NUSAP1: variants seen among roughly 807,000 people sequenced by gnomAD.
NUSAP1 encodes the protein nucleolar and spindle associated protein 1.
In NUSAP1, 32 loss-of-function variants were observed where a neutral mutation model predicts 52.8. The ratio of observed to expected loss-of-function variants is 0.61; its 90% CI spans 0.46 to 0.81. The LOEUF is 0.81. NUSAP1 is among the 40% of genes least tolerant of loss of function. The pLI is 0.00. For synonymous variants in NUSAP1, 195 were observed against 183.1 expected, an observed-to-expected ratio of 1.06 and a Z score of -0.52; for missense variants, 499 against 522.3, an observed-to-expected ratio of 0.96 and a Z score of 0.43.
intron 3 of NUSAP1, among the ~76,000 whole-genome samples, chr15:41,349,955 C>G (rs947631158): frequency 6.6e-6 from 1 of 151,798 alleles, no homozygotes. Context: ...TTAGTAGAGA[C>G]GAGATTTCAC....
intron 6 of NUSAP1, among the ~76,000 whole-genome samples, chr15:41,364,061 G>C (rs1323875269): frequency 6.6e-6 from 1 of 151,998 alleles, no homozygotes; most frequent in East Asian, 1.9e-4. Flanking sequence ...TGAACTCCTG[G>C]GCTTAAGCGA....
At position 41,365,409 on chromosome 15, in the gene NUSAP1, C is replaced by A. The variant is rs190224692; in HGVS notation, c.668C>A (p.Pro223His). ...GATGCATTTTCTCTTCAGCAGCAGC[C>A]CATCAATAAGGGAGGGGTCAGGACT... is the stretch of plus-strand genomic sequence containing the variant. The part of the protein sequence containing the change: ...HNSMNELKQQ[P>H]INKGGVRTPV... The change falls in exon 7 of 11, where the codon CCC (proline) becomes CAC (histidine). Residue 223 changes from proline to histidine, a missense_variant. Transcript: ENST00000559596. The A allele has an allele frequency of 3.7e-6, 6 of 1,604,040 alleles. No homozygotes were observed. In the African/African-American group the frequency reaches 4.0e-5, roughly 11 times the overall value.
chr15:41,376,649 C>T (rs548417873), intron 9 of NUSAP1, among the ~76,000 whole-genome samples: 54 of 151,986 alleles, frequency 3.6e-4, no homozygotes, highest in African/African-American at 1.3e-3. Flanking sequence ...CGAGACCACA[C>T]CACTGCACTC....
chr15:41,362,570 G>A (rs1324838677), intron 6 of NUSAP1, among the ~76,000 whole-genome samples: 5 of 151,012 alleles, frequency 3.3e-5, no homozygotes, highest in East Asian at 3.9e-4. Flanking sequence ...GACTACGGGC[G>A]CCCGCCACCA....
chr15:41,344,524 G>T (rs1480203203), intron 2 of NUSAP1, among the ~76,000 whole-genome samples: 1 of 151,886 alleles, frequency 6.6e-6, no homozygotes, highest in Non-Finnish European at 1.5e-5. Flanking sequence ...TGTTGTCCCA[G>T]CTACTAGGGA....
At chr15:41,372,835 C>T (rs188282055) in intron 8 of NUSAP1, among the ~76,000 whole-genome samples, 2 of 152,282 alleles carry the variant, frequency 1.3e-5, no homozygotes, top group African/African-American at 4.8e-5. Flanking sequence ...TGCCTGTAAT[C>T]CCAGCACTTA....
intron 4 of NUSAP1, among the ~76,000 whole-genome samples, chr15:41,354,083 T>A (rs922702048): frequency 1.3e-5 from 2 of 152,058 alleles, no homozygotes; most frequent in African/African-American, 2.4e-5. Context: ...AGTTAAAAAA[T>A]AATAATAATA....
chr15:41,347,209 C>T (rs796567739), intron 2 of NUSAP1, among the ~76,000 whole-genome samples: 5 of 152,116 alleles, frequency 3.3e-5, no homozygotes, highest in African/African-American at 1.2e-4. Context: ...CTCACTAAAC[C>T]TCAAGCCAAA....
chr15:41,380,384 G>C lies in NUSAP1; in HGVS notation c.*198G>C. The C allele has an allele frequency of 4.9e-6, 2 of 409,272 alleles. No homozygotes were observed. Among genetic ancestry groups the C allele is most frequent in the Non-Finnish European group, 4.4e-6 (1 of 226,888 alleles). The allele number at this position is 409,272 out of a possible 1,614,324, so 25.4% of individuals were successfully genotyped here. On this transcript the variant is annotated 3_prime_UTR_variant, in exon 11 of 11. Coordinates refer to ENST00000559596, the MANE Select transcript of NUSAP1 (RefSeq NM_016359.5). ...ATCACCTTAAAGCTCAAATTCTTTG[G>C]GATGGTTTTTACTTAAGTCCATTAA...
intron 9 of NUSAP1, among the ~76,000 whole-genome samples, chr15:41,376,845 C>T (rs1447995272): frequency 6.6e-6 from 1 of 151,438 alleles, no homozygotes; most frequent in Non-Finnish European, 1.5e-5. Flanking sequence ...GAGGCCAAGG[C>T]AGGCAGATTG....
chr15:41,333,055 G>C lies in NUSAP1; in HGVS notation c.93+5G>C, dbSNP rs763426675. 3 of 1,605,836 alleles carry C rather than the reference G, an allele frequency of 1.9e-6. No individual in the cohort carries two copies. The highest frequency in any genetic ancestry group is 1.3e-5 in the African/African-American group (1 of 74,822). On this transcript the variant is annotated splice_donor_5th_base_variant and intron_variant, in intron 1 of 10. Coordinates refer to ENST00000559596, the MANE Select transcript of NUSAP1 (RefSeq NM_016359.5). ...GGTCTCCGGGCCAACCTGAGGGTAC[G>C]GCGCTGGCGGTGCGGGTCCCTGGGC...
intron 2 of NUSAP1, among the ~76,000 whole-genome samples, chr15:41,347,727 T>A (rs1230066322): frequency 6.7e-6 from 1 of 149,402 alleles, no homozygotes; most frequent in Non-Finnish European, 1.5e-5. Flanking sequence ...GGCAGGAGAA[T>A]GGCATGAACC....
chr15:41,349,255 T>C lies in NUSAP1; in HGVS notation c.306+14T>C, dbSNP rs2048694918. ...CCTGACTCACAGGTGAATGGAAATATACAAACTGAAAATAAACCACCTATG... is the reference window on the plus strand; with the variant it reads ...CCTGACTCACAGGTGAATGGAAATACACAAACTGAAAATAAACCACCTATG... On this transcript the variant is annotated intron_variant, in intron 3 of 10. Transcript: ENST00000559596. The C allele has an allele frequency of 6.2e-7, 1 of 1,601,732 alleles. No homozygotes were observed. The highest frequency in any genetic ancestry group is 8.5e-7 in the Non-Finnish European group (1 of 1,174,392).
chr15:41,335,412 C>T (rs1387097096), intron 1 of NUSAP1, among the ~76,000 whole-genome samples: 2 of 139,152 alleles, frequency 1.4e-5, no homozygotes, highest in Non-Finnish European at 3.0e-5. Flanking sequence ...TATTAATATA[C>T]TATATGTACT....
chr15:41,348,726 C>T (rs1269557334), intron 2 of NUSAP1, among the ~76,000 whole-genome samples: 2 of 152,062 alleles, frequency 1.3e-5, no homozygotes, highest in Admixed American at 1.3e-4. Context: ...TGCAACCTCC[C>T]CTTGCCGGGT....
At chr15:41,337,931 C>CTTTTTTTTT (rs757341496) in intron 1 of NUSAP1, among the ~76,000 whole-genome samples, 45 of 110,930 alleles carry the variant, frequency 4.1e-4, no homozygotes, top group South Asian at 5.6e-4. Flanking sequence ...TTTCTTTTTT[C>CTTTTTTTTT]TTTTTTTTTT....
chr15:41,378,608 T>A (rs1321439025), intron 10 of NUSAP1, among the ~76,000 whole-genome samples: 1 of 151,988 alleles, frequency 6.6e-6, no homozygotes, highest in African/African-American at 2.4e-5. Flanking sequence ...CCATCTCTAC[T>A]AAAAATACAA....
At chr15:41,340,221 T>A (rs1385286809) in intron 1 of NUSAP1, among the ~76,000 whole-genome samples, 2 of 152,094 alleles carry the variant, frequency 1.3e-5, no homozygotes, top group Non-Finnish European at 2.9e-5. Flanking sequence ...TGAGTCCACC[T>A]CAGGGCTCCT....
chr15:41,376,141 TC>T (rs779178653), intron 9 of NUSAP1, among the ~76,000 whole-genome samples: 24 of 152,170 alleles, frequency 1.6e-4, no homozygotes, highest in African/African-American at 2.4e-4. Flanking sequence ...TGGCCTGTAA[TC>T]CCAGCACTTT....
Sources: allele counts gnomAD v4.1 joint callset (sites outside exome capture counted in the v4.1 genomes callset), GRCh38; gene constraint gnomAD v4.1.1; transcripts MANE v1.5; gene names NCBI Gene and HGNC (gene_info 2026-07-23, HGNC 2026-07-21).